The following WDR86 variants were observed in gnomAD, a reference collection of about 807,000 sequenced individuals.
WDR86 encodes WD repeat-containing protein 86.
WDR86 carries 30 observed loss-of-function variants against 36.5 expected under a neutral mutation model. The observed-to-expected ratio is 0.82, with a 90% CI of 0.61 to 1.11. The LOEUF (loss-of-function observed/expected upper bound fraction) is 1.11, where lower values mean the gene tolerates loss of function less well. WDR86 is among the 50% of genes most tolerant of loss of function. WDR86 has a pLI of 0.00. For missense variants in WDR86, 545 were observed against 561.2 expected (o/e 0.97, Z 0.29); for synonymous variants, 255 against 252.9 (o/e 1.01, Z -0.08).
At chr7:151,389,635 C>T (rs774308141) in intron 3 of WDR86, among the ~76,000 whole-genome samples, 18 of 152,194 alleles carry the variant, frequency 1.2e-4, no homozygotes, top group African/African-American at 2.4e-4. Flanking sequence ...GGAGTCTGCC[C>T]GCTCCGCCCT....
At position 151,406,593 on chromosome 7, in the gene WDR86, C is replaced by T. The variant is rs1035939494; in HGVS notation, c.163+2834G>A. Among the ~76,000 whole-genome samples, 7 of 152,286 alleles carry T rather than the reference C, an allele frequency of 4.6e-5. No individual in the cohort carries two copies. The highest frequency in any genetic ancestry group is 6.5e-5 in the Admixed American group (1 of 15,306). On this transcript the variant is annotated intron_variant, in intron 1 of 5. Transcript: ENST00000334493. This position sits in a 1 kb window ranked among gnomAD's most constrained non-coding sequence, Gnocchi z 4.4. The stretch of plus-strand genomic sequence containing the variant: ...AGCCATGTGGTCTGGACACAACTTC[C>T]CCCACAGTGGTAAGAGAAGCACCGT...
At chr7:151,387,883 A>T (rs1799106394) in intron 3 of WDR86, among the ~76,000 whole-genome samples, 1 of 152,238 alleles carries the variant, frequency 6.6e-6, no homozygotes, top group African/African-American at 2.4e-5. Context: ...CAGATGTGAG[A>T]CGTGGCCAAG....
chr7:151,403,664 T>C (rs143717623), intron 1 of WDR86, among the ~76,000 whole-genome samples: 9 of 152,376 alleles, frequency 5.9e-5, no homozygotes, highest in African/African-American at 2.2e-4. Context: ...CTGCAGATTC[T>C]GTTTCCCTTA....
Position 151,395,986 on chromosome 7 carries a change from A to G in WDR86, c.516T>C (p.Asp172=), listed in dbSNP as rs753414336. ...CCACCTGCCACACCTTGGCTGTGCC[A>G]TCTGTGCTGCCGGTCACCAGAAGCC... ...AGGLLVTGST[D]GTAKVWQVAS... The change falls in exon 3 of 6, where the codon GAT becomes GAC. Residue 172 remains aspartate (D), a synonymous_variant. Coordinates refer to ENST00000334493, the MANE Select transcript of WDR86 (RefSeq NM_198285.3). The G allele has an allele frequency of 8.1e-6, 13 of 1,598,706 alleles. No individual in the cohort carries two copies. Among genetic ancestry groups the G allele is most frequent in the Non-Finnish European group, 1.0e-5 (12 of 1,174,360 alleles).
In WDR86 at chr7:151,381,646, C is replaced by T. The variant is rs542337168; in HGVS notation, c.1067G>A (p.Arg356His). ...GTTGCTGAAGAGCCGCGAGAGGCTG[C>T]GCATGGGCGGAGGGGGCCGCGGGGC... ...RGAPRPPPPMRSLSRLFSNKV... is the reference protein window; with the variant it reads ...RGAPRPPPPMHSLSRLFSNKV... The change falls in exon 6 of 6, where the codon CGC becomes CAC. Residue 356 changes from arginine (R) to histidine (H), a missense_variant. Arg to His is a conservative substitution (Grantham distance 29). Coordinates refer to ENST00000334493, the MANE Select transcript of WDR86 (RefSeq NM_198285.3). The surrounding 1 kb of genome is among the most constrained non-coding windows in gnomAD (Gnocchi z 4.8). 874 of 1,394,042 alleles carry T rather than the reference C, an allele frequency of 6.3e-4. 11 individuals carry two copies. The African/African-American group carries it at 0.012, about 19-fold the overall frequency. The allele number at this position is 1,394,042 out of a possible 1,614,324, so 86.4% of individuals were successfully genotyped here. A position where few individuals can be genotyped will look rare whatever the true frequency, so the allele number is the denominator to read the frequency against.
At chr7:151,393,434 C>T (rs1233733075) in intron 3 of WDR86, among the ~76,000 whole-genome samples, 3 of 152,134 alleles carry the variant, frequency 2.0e-5, no homozygotes, top group South Asian at 2.1e-4. Context: ...CCCCAGGGAG[C>T]GAACCCGGGG....
chr7:151,405,924 T>C lies in WDR86; in HGVS notation c.163+3503A>G, dbSNP rs1441328396. 6.6e-6 allele frequency among the ~76,000 whole-genome samples: 1 copy of C among 152,038 alleles called. No homozygotes were observed. Among genetic ancestry groups the C allele is most frequent in the East Asian group, 1.9e-4 (1 of 5,198 alleles). ...GCTGCCACCTTCAGGCTGAGTCCCC[T>C]ACTCAACAGGAACAGGATAGGATAG... On this transcript the variant is annotated intron_variant, in intron 1 of 5. Transcript: ENST00000334493. This position sits in a 1 kb window ranked among gnomAD's most constrained non-coding sequence, Gnocchi z 4.7.
rs766195414 is a variant in WDR86 at position 151,400,107 on chromosome 7, C to T, written c.298G>A (p.Val100Met). 12 of 1,595,792 alleles carry T rather than the reference C, an allele frequency of 7.5e-6. No homozygotes were observed. The highest frequency in any genetic ancestry group is 5.1e-5 in the Admixed American group (3 of 58,376). Residue 100 changes from valine (V) to methionine (M), a missense_variant, in exon 2 of 6, where the codon GTG becomes ATG. Transcript: ENST00000334493. ...GCCCCCAGCCAGGCTGACCTGTTCA[C>T]GATGGACGTGTGTCCTCGGTACACC... ...LQVYRGHTSIVNRILVANNQL... is the reference protein window; with the variant it reads ...LQVYRGHTSIMNRILVANNQL...
At position 151,409,139 on chromosome 7, in the gene WDR86, G is replaced by A; in HGVS notation, c.163+288C>T. ...TTGTTGTCAAGGGAGATTTCCTGCC[G>A]CTGGTTGACAAATGATCTTCGCCTT... On this transcript the variant is annotated intron_variant, in intron 1 of 5. Coordinates refer to ENST00000334493, the MANE Select transcript of WDR86 (RefSeq NM_198285.3). This position sits in a 1 kb window ranked among gnomAD's most constrained non-coding sequence, Gnocchi z 5.2. The A allele has an allele frequency of 1.5e-6, 1 of 658,834 alleles. No individual in the cohort carries two copies. The highest frequency in any genetic ancestry group is 2.9e-6 in the Non-Finnish European group (1 of 350,496). The allele number at this position is 658,834 out of a possible 1,614,324, so 40.8% of individuals were successfully genotyped here. A position where few individuals can be genotyped will look rare whatever the true frequency, so the allele number is the denominator to read the frequency against.
chr7:151,369,587 A>G, the WDR86 span, among the ~76,000 whole-genome samples: 1 of 152,252 alleles, frequency 6.6e-6, no homozygotes, highest in Non-Finnish European at 1.5e-5. Context: ...AATTAAGTAC[A>G]TTAAAGAAAA....
At position 151,400,113 on chromosome 7, in the gene WDR86, A is replaced by G; in HGVS notation, c.292T>C (p.Ser98Pro). Residue 98 changes from serine (S) to proline (P), a missense_variant, in exon 2 of 6, where the codon TCC becomes CCC. Physicochemically the swap from Ser to Pro is moderately conservative, Grantham distance 74 (BLOSUM62 -1). Coordinates refer to ENST00000334493, the MANE Select transcript of WDR86 (RefSeq NM_198285.3). ...QCLQVYRGHT[S>P]IVNRILVANN... ...AGCCAGGCTGACCTGTTCACGATGG[A>G]CGTGTGTCCTCGGTACACCTGCAGA... The G allele has an allele frequency of 6.2e-7, 1 of 1,601,368 alleles. No homozygotes were observed. Among genetic ancestry groups the G allele is most frequent in the Non-Finnish European group, 8.5e-7 (1 of 1,173,506 alleles).
At chr7:151,387,926 T>C (rs902559104) in intron 3 of WDR86, among the ~76,000 whole-genome samples, 8 of 152,268 alleles carry the variant, frequency 5.3e-5, no homozygotes, top group African/African-American at 1.9e-4. Flanking sequence ...CACTGTCTCA[T>C]GTGCAACGTG....
rs529464697 is a variant in WDR86 at position 151,409,938 on chromosome 7, G to GC, written c.-350dup. On this transcript the variant is annotated 5_prime_UTR_variant, in exon 1 of 6. Transcript: ENST00000334493. This position sits in a 1 kb window ranked among gnomAD's most constrained non-coding sequence, Gnocchi z 5.2. ...CAGCTGCGTCTCTGGTGCACAAGGA[G>GC]CCCCCCGCCTCCTCTCGCGCCCACG... 574 of 1,055,964 alleles carry GC rather than the reference G, an allele frequency of 5.4e-4. No homozygotes were observed. The highest frequency in any genetic ancestry group is 8.6e-4 in the South Asian group (19 of 22,178). The allele number at this position is 1,055,964 out of a possible 1,614,324, so 65.4% of individuals were successfully genotyped here. A position where few individuals can be genotyped will look rare whatever the true frequency, so the allele number is the denominator to read the frequency against.
intron 1 of WDR86, among the ~76,000 whole-genome samples, chr7:151,403,755 T>C (rs1800510031): frequency 6.6e-6 from 1 of 152,200 alleles, no homozygotes. Context: ...AGAGGGTTTA[T>C]AAAATATGTT....
rs1015208953 is a variant in WDR86 at position 151,405,763 on chromosome 7, C to T, written c.163+3664G>A. On this transcript the variant is annotated intron_variant, in intron 1 of 5. Transcript: ENST00000334493. The surrounding 1 kb of genome is among the most constrained non-coding windows in gnomAD (Gnocchi z 4.7). The stretch of plus-strand genomic sequence containing the variant: ...CCAGTCTTCTGGGCCACTGCTCTCC[C>T]GCCAGGCTTCACAGGGAGTCTCCTA... Among the ~76,000 whole-genome samples, 14 of 152,208 alleles carry T rather than the reference C, an allele frequency of 9.2e-5. No homozygotes were observed. Among genetic ancestry groups the T allele is most frequent in the Admixed American group, 7.9e-4 (12 of 15,286 alleles).
At position 151,395,913 on chromosome 7, in the gene WDR86, G is replaced by A. The variant is rs200997744; in HGVS notation, c.589C>T (p.Leu197=). The part of the protein sequence containing the change: ...QTLRGHTGAV[L]CLVLDTPGHT... ...CCGGGCGTGTCTAGCACTAGGCACA[G>A]CACTGCACCCGTGTGGCCCCGCAGC... Residue 197 remains leucine, a synonymous_variant, in exon 3 of 6, where the codon CTG becomes TTG. Transcript: ENST00000334493. 8.1e-6 allele frequency: 13 copies of A among 1,601,118 alleles called. No individual in the cohort carries two copies. In the East Asian group the frequency reaches 1.8e-4, roughly 22 times the overall value.
chr7:151,408,742 G>A, intron 1 of WDR86: 1 of 387,240 alleles, frequency 2.6e-6, no homozygotes, highest in Non-Finnish European at 5.4e-6. Flanking sequence ...CAGGCCCAGG[G>A]GAAGGTGCAC....
Position 151,381,938 on chromosome 7 carries a change from C to T in WDR86, c.906G>A (p.Ala302=), listed in dbSNP as rs370137886. The T allele has an allele frequency of 7.5e-6, 12 of 1,609,224 alleles. No individual in the cohort carries two copies. Among genetic ancestry groups the T allele is most frequent in the Admixed American group, 1.7e-5 (1 of 59,610 alleles). The part of the protein sequence containing the change: ...SGDACARAFD[A]QSGELRRVFR... ...ACACCCTCCGCAGCTCTCCAGACTG[C>T]GCGTCGAAGGCCCGGGCGCAAGCGT... Residue 302 remains alanine (A), a synonymous_variant, in exon 5 of 6, where the codon GCG becomes GCA. Transcript: ENST00000334493. The surrounding 1 kb of genome is among the most constrained non-coding windows in gnomAD (Gnocchi z 4.8).
At chr7:151,408,199 C>CTTTTTTTTT (rs1029293163) in intron 1 of WDR86, among the ~76,000 whole-genome samples, 1 of 116,076 alleles carries the variant, frequency 8.6e-6, no homozygotes, top group African/African-American at 3.5e-5. Flanking sequence ...CTTTTCTTTT[C>CTTTTTTTTT]TTTTTTTTTT....
Sources: allele counts gnomAD v4.1 joint callset (sites outside exome capture counted in the v4.1 genomes callset), GRCh38; gene constraint gnomAD v4.1.1; non-coding constraint Gnocchi (gnomAD v3.1); transcripts MANE v1.5; gene names NCBI Gene and HGNC (gene_info 2026-07-23, HGNC 2026-07-21).